The following CCSER1 variants were observed in gnomAD, a reference collection of about 807,000 sequenced individuals.
The protein encoded by CCSER1 is serine-rich coiled-coil domain-containing protein 1.
Under a neutral mutation model 82.0 loss-of-function variants are expected in CCSER1, and 41 were observed. The ratio of observed to expected loss-of-function variants is 0.50; its 90% CI spans 0.39 to 0.65. The LOEUF is 0.65. CCSER1 is among the 30% of genes least tolerant of loss of function. The pLI is 0.00. For missense variants in CCSER1, 1,119 were observed against 1,064.2 expected, an observed-to-expected ratio of 1.05 and a Z score of -0.72; for synonymous variants, 414 against 383.9, an observed-to-expected ratio of 1.08 and a Z score of -0.92.
rs554290307 is a variant in CCSER1, at chr4:91,087,463, G to A, written c.2217+1469G>A. 7.9e-5 allele frequency among the ~76,000 whole-genome samples: 12 copies of A among 151,822 alleles called. No individual in the cohort carries two copies. In the South Asian group the frequency reaches 1.9e-3, roughly 24 times the overall value. On this transcript the variant is annotated intron_variant, in intron 10 of 10. Transcript: ENST00000509176. ...AAATCATATTGCTTATTTTTCTAAC[G>A]TCCTTTGATTTTATTTTTATTATAA...
At chr4:90,588,000 C>A (rs73833292) in intron 5 of CCSER1, among the ~76,000 whole-genome samples, 1 of 152,088 alleles carries the variant, frequency 6.6e-6, no homozygotes, top group African/African-American at 2.4e-5. Flanking sequence ...ATTAAATGTG[C>A]GATAGCATTA....
chr4:90,651,739 TC>T (rs1450775874), intron 6 of CCSER1, among the ~76,000 whole-genome samples: 1 of 152,062 alleles, frequency 6.6e-6, no homozygotes, highest in African/African-American at 2.4e-5. Flanking sequence ...GAGATAGCGT[TC>T]CCCCTCTAGG....
At chr4:90,488,430 C>T (rs540070924) in intron 5 of CCSER1, among the ~76,000 whole-genome samples, 18 of 152,060 alleles carry the variant, frequency 1.2e-4, no homozygotes, top group South Asian at 2.1e-4. Flanking sequence ...TCAGGTGATC[C>T]GCCCCACTCG....
intron 10 of CCSER1, among the ~76,000 whole-genome samples, chr4:91,502,003 G>A (rs1360383092): frequency 3.3e-5 from 5 of 152,106 alleles, no homozygotes; most frequent in African/African-American, 9.7e-5. Context: ...TTTAGACAAA[G>A]GAAAAATAAA....
intron 1 of CCSER1, among the ~76,000 whole-genome samples, chr4:90,269,352 G>C (rs919562143): frequency 6.6e-6 from 1 of 151,966 alleles, no homozygotes; most frequent in Admixed American, 6.6e-5. Flanking sequence ...GATCATGATT[G>C]AATAAAACTA....
chr4:90,597,680 A>G (rs1783508181), intron 5 of CCSER1, among the ~76,000 whole-genome samples: 1 of 152,126 alleles, frequency 6.6e-6, no homozygotes, highest in African/African-American at 2.4e-5. Flanking sequence ...AACAGTTAAA[A>G]TCTTATTTAA....
intron 10 of CCSER1, among the ~76,000 whole-genome samples, chr4:91,108,867 G>T (rs1725858577): frequency 6.6e-6 from 1 of 152,162 alleles, no homozygotes; most frequent in Admixed American, 6.6e-5. Context: ...GTCTGCGAGG[G>T]TGTTTCTAGA....
chr4:90,670,600 G>T (rs1732616297), intron 6 of CCSER1, among the ~76,000 whole-genome samples: 2 of 151,998 alleles, frequency 1.3e-5, no homozygotes, highest in Admixed American at 1.3e-4. Flanking sequence ...GGGCAACTAT[G>T]AACTATCAGC....
At chr4:90,391,467 T>TAC (rs1751073184) in intron 3 of CCSER1, among the ~76,000 whole-genome samples, 1 of 89,860 alleles carries the variant, frequency 1.1e-5, no homozygotes, top group Non-Finnish European at 2.0e-5. Flanking sequence ...TATATATATA[T>TAC]ATATATATAT....
At chr4:91,071,829 T>A (rs1319691603) in intron 9 of CCSER1, among the ~76,000 whole-genome samples, 1 of 152,202 alleles carries the variant, frequency 6.6e-6, no homozygotes, top group Non-Finnish European at 1.5e-5. Flanking sequence ...ACGGTTAGAC[T>A]GTTTACCACC....
intron 9 of CCSER1, among the ~76,000 whole-genome samples, chr4:91,018,791 CTT>C (rs1489727604): frequency 6.6e-6 from 1 of 151,970 alleles, no homozygotes; most frequent in Non-Finnish European, 1.5e-5. Flanking sequence ...CCAACCCTTA[CTT>C]TTTCGATAAA....
intron 7 of CCSER1, among the ~76,000 whole-genome samples, chr4:90,767,207 T>C (rs1023083773): frequency 1.3e-5 from 2 of 152,210 alleles, no homozygotes; most frequent in Non-Finnish European, 2.9e-5. Context: ...CCTGCTTGTA[T>C]GTGTTTCTAA....
intron 10 of CCSER1, among the ~76,000 whole-genome samples, chr4:91,489,069 A>AT (rs1758372441): frequency 6.6e-6 from 1 of 152,210 alleles, no homozygotes; most frequent in African/African-American, 2.4e-5. Flanking sequence ...AAAAAAAGTG[A>AT]TTGAGTAAGC....
intron 10 of CCSER1, among the ~76,000 whole-genome samples, chr4:91,305,128 A>T (rs965512949): frequency 1.3e-5 from 2 of 152,032 alleles, no homozygotes; most frequent in Admixed American, 1.3e-4. Flanking sequence ...ATCTCAGTGT[A>T]TGTCTTATTT....
chr4:90,200,150 A>G (rs889049345), intron 1 of CCSER1, among the ~76,000 whole-genome samples: 18 of 151,522 alleles, frequency 1.2e-4, no homozygotes, highest in Non-Finnish European at 1.8e-4. Context: ...AGTAGCACCC[A>G]GTTCCCTAAA....
intron 10 of CCSER1, among the ~76,000 whole-genome samples, chr4:91,357,365 T>C (rs950481884): frequency 6.6e-6 from 1 of 152,190 alleles, no homozygotes; most frequent in African/African-American, 2.4e-5. Flanking sequence ...CTTTAATCTT[T>C]TATAATTTTT....
chr4:90,518,746 T>G (rs192683216), intron 5 of CCSER1, among the ~76,000 whole-genome samples: 4 of 152,090 alleles, frequency 2.6e-5, no homozygotes, highest in African/African-American at 9.6e-5. Flanking sequence ...GTGAAAATCA[T>G]CTATGCATTA....
intron 10 of CCSER1, among the ~76,000 whole-genome samples, chr4:91,314,441 T>A (rs1241317902): frequency 6.6e-6 from 1 of 152,036 alleles, no homozygotes; most frequent in Non-Finnish European, 1.5e-5. Flanking sequence ...CTATATGTCA[T>A]AATTTTACTC....
At chr4:90,918,316 A>G in intron 8 of CCSER1, 2 of 446,700 alleles carry the variant, frequency 4.5e-6, no homozygotes, top group South Asian at 1.6e-5. Context: ...AATTTCATCA[A>G]CTTTTATGTA....
Sources: gnomAD v4.1 joint callset for allele counts (sites outside exome capture counted in the v4.1 genomes callset) on GRCh38, gnomAD v4.1.1 for gene constraint, MANE v1.5 for transcripts, NCBI Gene and HGNC (gene_info 2026-07-23, HGNC 2026-07-21) for gene names.